Variants in DMD observed in about 807,000 individuals in gnomAD.
DMD encodes dystrophin, also known as mutant dystrophin.
A neutral mutation model predicts 330.1 loss-of-function variants in DMD; 63 were observed. The ratio of observed to expected loss-of-function variants is 0.19; its 90% CI spans 0.16 to 0.24. DMD has a LOEUF of 0.24. DMD is among the 10% of genes least tolerant of loss of function. The pLI is 1.00. For synonymous variants in DMD, 1,223 were observed against 959.8 expected (o/e 1.27, Z -5.07); for missense variants, 3,344 against 2,684.1 (o/e 1.25, Z -5.43).
At chrX:32,552,545 T>A (rs1239330029) in intron 16 of DMD, among the ~76,000 whole-genome samples, 1 of 111,201 alleles carries the variant, frequency 9.0e-6, no homozygotes, top group Non-Finnish European at 1.9e-5. Context: ...CCAAAAACAA[T>A]TGAAACAAAA....
intron 41 of DMD, among the ~76,000 whole-genome samples, chrX:32,341,739 T>G (rs1439204741): frequency 2.7e-5 from 3 of 111,782 alleles, no homozygotes; most frequent in Admixed American, 1.9e-4. Flanking sequence ...CATGGGATGA[T>G]CTCAGGAAAG....
At chrX:32,241,945 G>T (rs894746089) in intron 43 of DMD, among the ~76,000 whole-genome samples, 6 of 111,117 alleles carry the variant, frequency 5.4e-5, no homozygotes, top group Non-Finnish European at 7.6e-5. Flanking sequence ...TGGAAGCTCT[G>T]TTATGAGACA....
chrX:32,101,567 T>C (rs1372583360), intron 44 of DMD, among the ~76,000 whole-genome samples: 6 of 112,196 alleles, frequency 5.3e-5, no homozygotes, highest in African/African-American at 6.5e-5. Context: ...ATTTATTGAA[T>C]TATTTTCTTC....
chrX:33,027,352 G>A lies in DMD; in HGVS notation c.32-7152C>T, dbSNP rs770691515. On this transcript the variant is annotated intron_variant, in intron 1 of 78. Coordinates refer to ENST00000357033, the MANE Select transcript of DMD (RefSeq NM_004006.3). The stretch of plus-strand genomic sequence containing the variant: ...GGGAATTCTCTAGAAAATGGAAAAG[G>A]CAAGGAGACAGATTCTCCCCTGGAG... 1.4e-3 allele frequency among the ~76,000 whole-genome samples: 152 copies of A among 112,036 alleles called. 1 individual carries two copies. The highest frequency in any genetic ancestry group is 4.5e-3 in the Admixed American group (48 of 10,557).
At chrX:32,462,132 A>G (rs2098385623) in intron 25 of DMD, among the ~76,000 whole-genome samples, 1 of 111,516 alleles carries the variant, frequency 9.0e-6, no homozygotes, top group Admixed American at 9.6e-5. Flanking sequence ...TCTTTGGAAG[A>G]TATGTTCATA....
Position 32,697,979 on chromosome X carries a change from T to C in DMD, c.851A>G (p.Gln284Arg). 1 of 1,197,753 alleles carries C rather than the reference T, an allele frequency of 8.3e-7. No homozygotes were observed. The highest frequency in any genetic ancestry group is 1.8e-5 in the South Asian group (1 of 54,989). ...YSQQITVSLA[Q>R]GYERTSSPKP... Reference sequence around the variant, plus strand: ...AGGGGAAGAAGTTCTCTCATATCCCTGTGCTAGACTGACCGTGATCTGCAG... The same window carrying C: ...AGGGGAAGAAGTTCTCTCATATCCCCGTGCTAGACTGACCGTGATCTGCAG... Residue 284 changes from glutamine (Q) to arginine (R), a missense_variant, in exon 9 of 79, where the codon CAG becomes CGG. Coordinates refer to ENST00000357033, the MANE Select transcript of DMD (RefSeq NM_004006.3).
At chrX:32,938,375 A>G (rs903461231) in intron 2 of DMD, among the ~76,000 whole-genome samples, 5 of 111,813 alleles carry the variant, frequency 4.5e-5, no homozygotes, top group Non-Finnish European at 7.5e-5. Flanking sequence ...TGCATTTCAG[A>G]GTCCTTATCA....
chrX:32,692,544 C>T (rs775482023), intron 9 of DMD, among the ~76,000 whole-genome samples: 20 of 111,398 alleles, frequency 1.8e-4, no homozygotes, highest in Non-Finnish European at 2.8e-4. Context: ...TCATCCCCTC[C>T]CAACACAGGA....
chrX:33,194,636 G>C (rs1238835159), intron 1 of DMD, among the ~76,000 whole-genome samples: 4 of 110,502 alleles, frequency 3.6e-5, no homozygotes, highest in East Asian at 5.7e-4. Context: ...AAATATTAAA[G>C]AAAAAGTTAC....
chrX:33,146,917 G>T (rs769053604), intron 1 of DMD, among the ~76,000 whole-genome samples: 2 of 110,422 alleles, frequency 1.8e-5, no homozygotes, highest in African/African-American at 6.6e-5. Flanking sequence ...CCGCCTCCCA[G>T]GTTCAAGCGA....
chrX:32,754,620 A>G (rs775604475), intron 7 of DMD, among the ~76,000 whole-genome samples: 1 of 111,413 alleles, frequency 9.0e-6, no homozygotes, highest in Non-Finnish European at 1.9e-5. Flanking sequence ...CCAGTCTCAA[A>G]ACTTCTTTTC....
At chrX:31,930,145 T>C (rs2094835492) in intron 46 of DMD, among the ~76,000 whole-genome samples, 1 of 111,082 alleles carries the variant, frequency 9.0e-6, no homozygotes, top group African/African-American at 3.3e-5. Flanking sequence ...AATTGCATTA[T>C]CATCTTAAGA....
chrX:31,291,805 G>A (rs904282210), intron 62 of DMD, among the ~76,000 whole-genome samples: 4 of 110,536 alleles, frequency 3.6e-5, no homozygotes, highest in South Asian at 3.8e-4. Context: ...AAGAATGGCA[G>A]ACCAATATAA....
intron 55 of DMD, among the ~76,000 whole-genome samples, chrX:31,530,653 T>TC (rs2073689843): frequency 1.0e-5 from 1 of 95,502 alleles, no homozygotes; most frequent in Non-Finnish European, 2.0e-5. Context: ...TTCTCTTTTT[T>TC]TTTTTTTTTT....
intron 63 of DMD, among the ~76,000 whole-genome samples, chrX:31,223,986 C>T (rs1356523861): frequency 2.7e-5 from 3 of 111,646 alleles, no homozygotes; most frequent in African/African-American, 6.5e-5. Flanking sequence ...CTGCAGTCAC[C>T]GGTCTATCAA....
intron 4 of DMD, among the ~76,000 whole-genome samples, chrX:32,843,597 T>G (rs1289397702): frequency 9.0e-6 from 1 of 111,629 alleles, no homozygotes; most frequent in Non-Finnish European, 1.9e-5. Context: ...TTTGGGGGAG[T>G]ACATGTTATT....
intron 60 of DMD, among the ~76,000 whole-genome samples, chrX:31,416,244 C>A (rs1198470333): frequency 8.9e-6 from 1 of 111,759 alleles, no homozygotes; most frequent in Non-Finnish European, 1.9e-5. Flanking sequence ...TCTCTGTGAA[C>A]CTTGGAGGAT....
intron 44 of DMD, among the ~76,000 whole-genome samples, chrX:32,193,556 C>A (rs1339026257): frequency 2.7e-5 from 3 of 111,293 alleles, no homozygotes; most frequent in Non-Finnish European, 5.7e-5. Context: ...CTCAATAAAT[C>A]GATCCCAAGT....
intron 2 of DMD, among the ~76,000 whole-genome samples, chrX:32,909,335 A>G (rs375445032): frequency 4.5e-5 from 5 of 111,327 alleles, no homozygotes; most frequent in African/African-American, 1.6e-4. Flanking sequence ...TGTAGTTTAA[A>G]CTCAATACAT....
Sources: gnomAD v4.1 joint callset for allele counts (sites outside exome capture counted in the v4.1 genomes callset) on GRCh38, gnomAD v4.1.1 for gene constraint, MANE v1.5 for transcripts, NCBI Gene and HGNC (gene_info 2026-07-23, HGNC 2026-07-21) for gene names.